Variants in CEP89 observed in about 807,000 individuals in gnomAD.
The protein encoded by CEP89 is centrosomal protein 89, also known as centrosomal protein of 89 kDa.
Under a neutral mutation model 97.6 loss-of-function variants are expected in CEP89, and 95 were observed. The observed-to-expected ratio is 0.97, with a 90% CI of 0.82 to 1.15. CEP89 has a LOEUF of 1.15. CEP89 is among the 50% of genes most tolerant of loss of function. CEP89 has a pLI of 0.00. For missense variants in CEP89, 869 were observed against 947.7 expected (o/e 0.92, Z 1.09); for synonymous variants, 354 against 349.1 (o/e 1.01, Z -0.16).
At chr19:32,955,011 G>T (rs1020702533) in intron 3 of CEP89, among the ~76,000 whole-genome samples, 1 of 151,342 alleles carries the variant, frequency 6.6e-6, no homozygotes, top group Admixed American at 6.6e-5. Flanking sequence ...TTGAGACAGG[G>T]TCTCATTCTG....
chr19:32,883,510 C>T (rs1969330446), intron 17 of CEP89, among the ~76,000 whole-genome samples: 2 of 151,876 alleles, frequency 1.3e-5, no homozygotes, highest in South Asian at 4.2e-4. Flanking sequence ...AACCCTGTCT[C>T]TATTAAAAAT....
rs190497589 is a variant in CEP89, at chr19:32,923,357, T to C, written c.1268+82A>G. 1.1e-3 allele frequency: 767 copies of C among 675,374 alleles called. No homozygotes were observed. The highest frequency in any genetic ancestry group is 2.2e-3 in the Admixed American group (87 of 40,422). 41.8% of individuals were successfully genotyped at this position (675,374 alleles called of 1,614,324 possible). On this transcript the variant is annotated intron_variant, in intron 12 of 18. Coordinates refer to ENST00000305768, the MANE Select transcript of CEP89 (RefSeq NM_032816.5). Reference sequence around the variant, plus strand: ...AATATTTTAGTTAAGAATGTAATTATGTATTTGATAATTTTATAACATATT... The same window carrying C: ...AATATTTTAGTTAAGAATGTAATTACGTATTTGATAATTTTATAACATATT...
chr19:32,892,202 CATATATATATATATATATAT>C (rs71336973), intron 16 of CEP89, among the ~76,000 whole-genome samples: 7,834 of 115,028 alleles, frequency 0.068, 777 homozygotes, highest in African/African-American at 0.2. Context: ...TATATTTAGA[CATATATATATATATATATAT>C]ATATATATAT....
At chr19:32,879,422 T>C (rs760690909) in intron 18 of CEP89, 44 bp from the exon 19 acceptor site, 5 of 1,504,708 alleles carry the variant, frequency 3.3e-6, no homozygotes, top group Middle Eastern at 1.7e-4. Flanking sequence ...AAAAATAATA[T>C]AGAGCCCATA....
At chr19:32,947,283 C>T (rs535384619) in intron 5 of CEP89, among the ~76,000 whole-genome samples, 15 of 152,240 alleles carry the variant, frequency 9.9e-5, no homozygotes, top group African/African-American at 3.4e-4. Context: ...TATATGTCCA[C>T]GTACTCATTC....
intron 12 of CEP89, among the ~76,000 whole-genome samples, chr19:32,921,277 T>C (rs1296463615): frequency 6.6e-6 from 1 of 150,944 alleles, no homozygotes; most frequent in Non-Finnish European, 1.5e-5. Context: ...GTGAAGTCCG[T>C]GTACCGAGTG....
intron 16 of CEP89, among the ~76,000 whole-genome samples, chr19:32,890,190 G>T (rs980601510): frequency 1.3e-5 from 2 of 152,168 alleles, no homozygotes; most frequent in African/African-American, 4.8e-5. Flanking sequence ...ACAAAGTCAG[G>T]AGATCGAGAC....
intron 5 of CEP89, among the ~76,000 whole-genome samples, chr19:32,942,939 G>A (rs551507580): frequency 7.4e-4 from 112 of 150,460 alleles, no homozygotes; most frequent in Middle Eastern, 3.4e-3. Flanking sequence ...TCAACCTGCC[G>A]AGCTCAAGCG....
At chr19:32,916,899 C>T (rs1970138400) in intron 13 of CEP89, among the ~76,000 whole-genome samples, 1 of 151,864 alleles carries the variant, frequency 6.6e-6, no homozygotes, top group South Asian at 2.1e-4. Flanking sequence ...TCCCAGCTAC[C>T]CGGGAGGTTG....
At chr19:32,923,646 T>C in intron 11 of CEP89, 104 bp from the exon 12 acceptor site, 1 of 760,670 alleles carries the variant, frequency 1.3e-6, no homozygotes. Context: ...TAACAGCCAT[T>C]TAGCAAGGTC....
intron 3 of CEP89, among the ~76,000 whole-genome samples, chr19:32,959,266 C>A (rs1036925290): frequency 1.3e-5 from 2 of 151,974 alleles, no homozygotes; most frequent in African/African-American, 4.8e-5. Context: ...GTCACACTCC[C>A]TCGTTTCTGT....
At chr19:32,937,277 G>A (rs1970598909) in intron 7 of CEP89, among the ~76,000 whole-genome samples, 1 of 152,038 alleles carries the variant, frequency 6.6e-6, no homozygotes, top group Admixed American at 6.6e-5. Flanking sequence ...ACGGATCCCA[G>A]TACATCATGG....
chr19:32,881,709 C>T, intron 18 of CEP89, 135 bp downstream of exon 18: 2 of 792,358 alleles, frequency 2.5e-6, no homozygotes, highest in Non-Finnish European at 3.8e-6. Context: ...ACCAATATTA[C>T]ATTCAGATCA....
At chr19:32,908,949 T>C (rs1969945184) in intron 14 of CEP89, among the ~76,000 whole-genome samples, 1 of 152,210 alleles carries the variant, frequency 6.6e-6, no homozygotes, top group South Asian at 2.1e-4. Flanking sequence ...CCTACCCTGG[T>C]TGAAAAGAAG....
chr19:32,937,280 C>T (rs751124598), intron 7 of CEP89, among the ~76,000 whole-genome samples: 40 of 152,258 alleles, frequency 2.6e-4, no homozygotes, highest in Non-Finnish European at 4.6e-4. Context: ...GATCCCAGTA[C>T]ATCATGGGTC....
intron 2 of CEP89, among the ~76,000 whole-genome samples, chr19:32,963,127 G>A (rs545240041): frequency 6.6e-6 from 1 of 152,232 alleles, no homozygotes; most frequent in African/African-American, 2.4e-5. Context: ...AGGCCGAGGC[G>A]GGTGGATCAC....
rs1267148922 is a variant in CEP89 at position 32,936,294 on chromosome 19, C to G, written c.667+1337G>C. On this transcript the variant is annotated intron_variant, in intron 7 of 18. Transcript: ENST00000305768. The surrounding 1 kb of genome is among the most constrained non-coding windows in gnomAD (Gnocchi z 4.5). Reference sequence around the variant, plus strand: ...CAGCGCCCTGCCGCCTCAGCCCCCTCCAGACTTTGGGCACCCATGAGCACA... The same window carrying G: ...CAGCGCCCTGCCGCCTCAGCCCCCTGCAGACTTTGGGCACCCATGAGCACA... 5.9e-5 allele frequency among the ~76,000 whole-genome samples: 9 copies of G among 152,178 alleles called. No homozygotes were observed. Among genetic ancestry groups the G allele is most frequent in the Non-Finnish European group, 8.8e-5 (6 of 68,012 alleles).
chr19:32,957,590 G>A (rs1292482415), intron 3 of CEP89, among the ~76,000 whole-genome samples: 4 of 152,024 alleles, frequency 2.6e-5, no homozygotes, highest in Non-Finnish European at 5.9e-5. Flanking sequence ...TGGGCAGATG[G>A]CTTGAGGCCA....
chr19:32,959,614 C>T (rs1411540953), intron 3 of CEP89, among the ~76,000 whole-genome samples: 1 of 152,098 alleles, frequency 6.6e-6, no homozygotes, highest in East Asian at 1.9e-4. Context: ...AGCTCTGTGC[C>T]GCTGTGAAAA....
Sources: allele counts gnomAD v4.1 joint callset (sites outside exome capture counted in the v4.1 genomes callset), GRCh38; gene constraint gnomAD v4.1.1; non-coding constraint Gnocchi (gnomAD v3.1); transcripts MANE v1.5; gene names NCBI Gene and HGNC (gene_info 2026-07-23, HGNC 2026-07-21).